The following CCDC93 variants were observed in gnomAD, a reference collection of about 807,000 sequenced individuals.
The protein encoded by CCDC93 is CCC complex scaffolding subunit CCDC93.
Under a neutral mutation model 108.2 loss-of-function variants are expected in CCDC93, and 61 were observed. The ratio of observed to expected loss-of-function variants is 0.56; its 90% CI spans 0.46 to 0.70. CCDC93 has a LOEUF of 0.70. Ranked by LOEUF, CCDC93 falls within the 30% of genes least tolerant of loss-of-function variation. The pLI is 0.00. For missense variants in CCDC93, 685 were observed against 764.2 expected (o/e 0.90, Z 1.22); for synonymous variants, 276 against 260.4 (o/e 1.06, Z -0.58).
intron 1 of CCDC93, among the ~76,000 whole-genome samples, chr2:118,010,543 C>T (rs1474465732): frequency 6.6e-6 from 1 of 152,144 alleles, no homozygotes; most frequent in Non-Finnish European, 1.5e-5. Context: ...TCTTCCCTTC[C>T]CTTTCATTCA....
In CCDC93 at chr2:118,013,897, G is replaced by C. The variant is rs575053605; in HGVS notation, c.42+57C>G. ...GGGCCCGCTCAGCCCGCCGCCCCGC[G>C]GCTCGGCCCTCTCTTCAGGAACCCC... On this transcript the variant is annotated intron_variant, in intron 1 of 23. Transcript: ENST00000376300. 4.8e-5 allele frequency: 70 copies of C among 1,446,364 alleles called. No individual in the cohort carries two copies. In the East Asian group the frequency reaches 1.8e-3, roughly 38 times the overall value. 89.6% of individuals were successfully genotyped at this position (1,446,364 alleles called of 1,614,324 possible). A position where few individuals can be genotyped will look rare whatever the true frequency, so the allele number is the denominator to read the frequency against.
At chr2:117,943,038 C>T (rs1678754407) in intron 18 of CCDC93, among the ~76,000 whole-genome samples, 1 of 152,204 alleles carries the variant, frequency 6.6e-6, no homozygotes, top group Non-Finnish European at 1.5e-5. Context: ...GTTCCATCAG[C>T]TACAGCCCTG....
At chr2:117,951,384 TGAAATATTCTGACAATAACTGAA>T (rs1225236319) in intron 13 of CCDC93, 2 of 985,302 alleles carry the variant, frequency 2.0e-6, no homozygotes, top group Admixed American at 6.1e-5. Context: ...CCTGCCCTTT[TGAAATATTCTGACAATAACTGAA>T]GAGGTTAGTC....
rs114791407 is a variant in CCDC93 at position 117,944,665 on chromosome 2, A to G, written c.1351-579T>C. The G allele has an allele frequency of 9.9e-3, 4,599 of 464,464 alleles. 47 individuals carry two copies. The highest frequency in any genetic ancestry group is 0.015 in the Middle Eastern group (46 of 3,012). 28.8% of individuals were successfully genotyped at this position (464,464 alleles called of 1,614,324 possible). ...GTTTGTCGCCTCAGAGAAAGTTACA[A>G]AAGGGGTCAAAGGAGTGCCTCCTTC... On this transcript the variant is annotated intron_variant, in intron 17 of 23. Coordinates refer to ENST00000376300, the MANE Select transcript of CCDC93 (RefSeq NM_019044.5).
chr2:117,994,242 T>C (rs1242614868), intron 6 of CCDC93, among the ~76,000 whole-genome samples: 1 of 152,244 alleles, frequency 6.6e-6, no homozygotes, highest in East Asian at 1.9e-4. Flanking sequence ...TCTATCAATC[T>C]TTTTAAAAAC....
chr2:117,924,653 T>C (rs1290234558), intron 23 of CCDC93, among the ~76,000 whole-genome samples: 1 of 152,194 alleles, frequency 6.6e-6, no homozygotes. Flanking sequence ...CTACATCTGA[T>C]TGGTGTACCT....
intron 3 of CCDC93, 57 bp from the exon 4 acceptor site, chr2:118,000,989 T>C: frequency 9.8e-7 from 1 of 1,019,692 alleles, no homozygotes; most frequent in Non-Finnish European, 1.6e-6. Flanking sequence ...CTTTATGGCA[T>C]CTCTAAAGTC....
In CCDC93 at chr2:117,988,465, T is replaced by C. The variant is rs530244272; in HGVS notation, c.520-2396A>G. ...AACAGCCACCGCCAATCTGGCATTC[T>C]ACACTCAAAAGCTCCTGTGGGCCAG... On this transcript the variant is annotated intron_variant, in intron 6 of 23. Transcript: ENST00000376300. 2.0e-4 allele frequency among the ~76,000 whole-genome samples: 31 copies of C among 152,350 alleles called. No individual in the cohort carries two copies. The South Asian group carries it at 3.5e-3, about 17-fold the overall frequency.
At chr2:117,950,156 G>A in intron 13 of CCDC93, 1 of 985,294 alleles carries the variant, frequency 1.0e-6, no homozygotes, top group Non-Finnish European at 1.2e-6. Context: ...GAAGTGGGCT[G>A]CATAAAATGC....
chr2:117,923,933 T>A (rs1381416909), intron 23 of CCDC93, among the ~76,000 whole-genome samples: 4 of 152,266 alleles, frequency 2.6e-5, no homozygotes, highest in Non-Finnish European at 2.9e-5. Context: ...AGACAAAACT[T>A]CCAGAGGAAT....
intron 11 of CCDC93, among the ~76,000 whole-genome samples, chr2:117,967,510 G>T (rs1679625941): frequency 6.6e-6 from 1 of 152,194 alleles, no homozygotes; most frequent in Non-Finnish European, 1.5e-5. Flanking sequence ...CCCAAGGTAG[G>T]CAGTTGAATA....
chr2:117,965,877 C>T (rs1679550684), intron 11 of CCDC93, among the ~76,000 whole-genome samples: 1 of 151,418 alleles, frequency 6.6e-6, no homozygotes, highest in Non-Finnish European at 1.5e-5. Flanking sequence ...TCCATCAGTT[C>T]TCTGGCAGAA....
chr2:117,955,012 T>C (rs945541733), intron 12 of CCDC93, among the ~76,000 whole-genome samples: 1 of 152,194 alleles, frequency 6.6e-6, no homozygotes, highest in African/African-American at 2.4e-5. Flanking sequence ...CAATTAAACC[T>C]CTTTCCTTTA....
At position 117,944,022 on chromosome 2, in the gene CCDC93, AC is replaced by A; in HGVS notation, c.1413+1del. The A allele has an allele frequency of 6.3e-7, 1 of 1,594,514 alleles. No individual in the cohort carries two copies. Among genetic ancestry groups the A allele is most frequent in the Non-Finnish European group, 8.6e-7 (1 of 1,169,360 alleles). ...GCATATTTTTGTCCTTCTTTTACTC[AC>A]CTGTAGTAAACGTATCTTGTAAAGT... On this transcript the variant is annotated splice_donor_variant, in intron 18 of 23. Transcript: ENST00000376300. LOFTEE classifies it high-confidence loss of function.
intron 22 of CCDC93, chr2:117,931,723 A>G (rs1484131234): frequency 6.6e-6 from 1 of 152,320 alleles, no homozygotes; most frequent in South Asian, 2.1e-4. Context: ...TTATCATTTT[A>G]AAAACAATAC....
intron 6 of CCDC93, among the ~76,000 whole-genome samples, chr2:117,993,438 C>CA (rs35648657): frequency 0.17 from 24,451 of 141,886 alleles, 2,209 homozygotes; most frequent in South Asian, 0.26. Context: ...CTTTTGTTAC[C>CA]AAAAAAAAAA....
At chr2:117,983,558 T>G (rs771068297) in intron 7 of CCDC93, among the ~76,000 whole-genome samples, 2 of 151,480 alleles carry the variant, frequency 1.3e-5, no homozygotes, top group Non-Finnish European at 3.0e-5. Context: ...ATGATGATTA[T>G]AATAAGGAGA....
At chr2:117,988,018 T>A (rs1680370143) in intron 6 of CCDC93, among the ~76,000 whole-genome samples, 1 of 152,106 alleles carries the variant, frequency 6.6e-6, no homozygotes, top group Non-Finnish European at 1.5e-5. Flanking sequence ...AAAAACAGGA[T>A]GACTCCAGAA....
intron 8 of CCDC93, among the ~76,000 whole-genome samples, chr2:117,977,096 C>A (rs1415950848): frequency 6.6e-6 from 1 of 151,850 alleles, no homozygotes; most frequent in East Asian, 1.9e-4. Flanking sequence ...CCACCACTCC[C>A]GGAGAATGTT....
Sources: allele counts gnomAD v4.1 joint callset (sites outside exome capture counted in the v4.1 genomes callset), GRCh38; gene constraint gnomAD v4.1.1; transcripts MANE v1.5; gene names NCBI Gene and HGNC (gene_info 2026-07-23, HGNC 2026-07-21).